The following ERBB2 variants were observed in gnomAD, a reference collection of about 807,000 sequenced individuals.
ERBB2 encodes receptor tyrosine-protein kinase erbB-2.
Under a neutral mutation model 149.0 loss-of-function variants are expected in ERBB2, and 61 were observed. That is an observed-to-expected ratio of 0.41 (90% CI 0.33 to 0.51). The LOEUF (loss-of-function observed/expected upper bound fraction) is 0.51. Among genes scored for constraint, ERBB2 ranks in the 20% least tolerant of loss-of-function variants. The pLI is 0.25. For synonymous variants in ERBB2, 633 were observed against 678.8 expected, an observed-to-expected ratio of 0.93 and a Z score of 1.05; for missense variants, 1,205 against 1,655.1, an observed-to-expected ratio of 0.73 and a Z score of 4.72.
In ERBB2 at chr17:39,724,828, G is replaced by T; in HGVS notation, c.2410G>T (p.Gly804Cys). 7 of 1,614,224 alleles carry T rather than the reference G, an allele frequency of 4.3e-6. No homozygotes were observed. Among genetic ancestry groups the T allele is most frequent in the Non-Finnish European group, 5.9e-6 (7 of 1,180,048 alleles). Reference sequence around the variant, plus strand: ...GCTGGTGACACAGCTTATGCCCTATGGCTGCCTCTTAGACCATGTCCGGGA... The same window carrying T: ...GCTGGTGACACAGCTTATGCCCTATTGCTGCCTCTTAGACCATGTCCGGGA... ...VQLVTQLMPY[G>C]CLLDHVRENR... The change falls in exon 20 of 27, where the codon GGC becomes TGC. Residue 804 changes from glycine to cysteine, a missense_variant. Coordinates refer to ENST00000269571, the MANE Select transcript of ERBB2 (RefSeq NM_004448.4).
In ERBB2 at chr17:39,723,282, C is replaced by T. The variant is rs554987501; in HGVS notation, c.1947-37C>T. ...CCCCCTTTGTCCCTCCCACCCCAAACTAGCCCTCAATCCCTGACCCTGGCT... is the reference window on the plus strand; with the variant it reads ...CCCCCTTTGTCCCTCCCACCCCAAATTAGCCCTCAATCCCTGACCCTGGCT... On this transcript the variant is annotated intron_variant, in intron 16 of 26. Transcript: ENST00000269571. The surrounding 1 kb of genome is among the most constrained non-coding windows in gnomAD (Gnocchi z 6.2). 1 of 1,486,754 alleles carries T rather than the reference C, an allele frequency of 6.7e-7. No homozygotes were observed. The highest frequency in any genetic ancestry group is 9.2e-7 in the Non-Finnish European group (1 of 1,085,142). 92.1% of individuals were successfully genotyped at this position (1,486,754 alleles called of 1,614,324 possible). A position where few individuals can be genotyped will look rare whatever the true frequency, so the allele number is the denominator to read the frequency against.
chr17:39,688,865 AACTTG>A (rs1353862197), intron 2 of ERBB2: 1 of 152,350 alleles, frequency 6.6e-6, no homozygotes, highest in Non-Finnish European at 1.5e-5. Context: ...TCAACATAAG[AACTTG>A]ACAAATCCAG....
intron 11 of ERBB2, 47 bp from the exon 12 acceptor site, chr17:39,715,693 C>G (rs2145647752): frequency 6.3e-7 from 1 of 1,596,586 alleles, no homozygotes; most frequent in Non-Finnish European, 8.5e-7. Context: ...ATAGCCTTTG[C>G]TGACCGGGAA....
chr17:39,711,062 G>A (rs903397524), intron 7 of ERBB2, among the ~76,000 whole-genome samples: 9 of 152,088 alleles, frequency 5.9e-5, no homozygotes, highest in South Asian at 2.1e-4. Flanking sequence ...ACCATGCCTC[G>A]CTAAATTTTG....
rs780382423 is a variant in ERBB2, at chr17:39,711,908, C to T, written c.902-20C>T. 2 of 1,613,924 alleles carry T rather than the reference C, an allele frequency of 1.2e-6. No individual in the cohort carries two copies. The highest frequency in any genetic ancestry group is 1.7e-6 in the Non-Finnish European group (2 of 1,179,886). ...CACGAAGGGCCAGGGTATGTGGCTA[C>T]ATGTTCCTGATCTCCTTAGACAACT... On this transcript the variant is annotated intron_variant, in intron 7 of 26. Transcript: ENST00000269571.
At chr17:39,717,539 G>A (rs2145715933) in intron 15 of ERBB2, 59 bp downstream of exon 15, 1 of 1,450,532 alleles carries the variant, frequency 6.9e-7, no homozygotes. Context: ...GTCTTTCTGG[G>A]GCTCTTACTA....
intron 7 of ERBB2, among the ~76,000 whole-genome samples, chr17:39,710,861 G>C (rs756228975): frequency 2.6e-5 from 4 of 152,234 alleles, no homozygotes; most frequent in Non-Finnish European, 4.4e-5. Flanking sequence ...TATGTACTAA[G>C]TGCTCCTAAA....
Position 39,715,916 on chromosome 17 carries a change from C to T in ERBB2, c.1490C>T (p.Ala497Val), listed in dbSNP as rs2145659612. Residue 497 changes from alanine to valine, a missense_variant, in exon 12 of 27, where the codon GCC (alanine) becomes GTC (valine). Transcript: ENST00000269571. ...CCGCACCAAGCTCTGCTCCACACTG[C>T]CAACCGGCCAGAGGACGAGTGTGGT... ...RNPHQALLHT[A>V]NRPEDECVGE... 6.2e-7 allele frequency: 1 copy of T among 1,610,980 alleles called. No individual in the cohort carries two copies. The highest frequency in any genetic ancestry group is 8.5e-7 in the Non-Finnish European group (1 of 1,180,004).
rs1166464063 is a variant in ERBB2, at chr17:39,727,535, A to G, written c.3400A>G (p.Ser1134Gly). Residue 1134 changes from serine (S) to glycine (G), a missense_variant, in exon 26 of 27, where the codon AGC (serine) becomes GGC (glycine). By Grantham distance (56) the Ser-to-Gly change is moderately conservative (BLOSUM62 0). Transcript: ENST00000269571. This position sits in a 1 kb window ranked among gnomAD's most constrained non-coding sequence, Gnocchi z 4.3. ...TDGYVAPLTC[S>G]PQPEYVNQPD... Reference sequence around the variant, plus strand: ...TGGCTACGTTGCCCCCCTGACCTGCAGCCCCCAGCCTGGTATGGAGTCCAG... The same window carrying G: ...TGGCTACGTTGCCCCCCTGACCTGCGGCCCCCAGCCTGGTATGGAGTCCAG... 1 of 1,600,984 alleles carries G rather than the reference A, an allele frequency of 6.2e-7. No homozygotes were observed. The highest frequency in any genetic ancestry group is 1.4e-5 in the African/African-American group (1 of 73,822).
chr17:39,727,484 A>G lies in ERBB2; in HGVS notation c.3349A>G (p.Thr1117Ala), dbSNP rs2059840708. ...SPLQRYSEDP[T>A]VPLPSETDGY... ...TCTACAGCGGTACAGTGAGGACCCC[A>G]CAGTACCCCTGCCCTCTGAGACTGA... is the stretch of plus-strand genomic sequence containing the variant. Residue 1117 changes from threonine (T) to alanine (A), a missense_variant, in exon 26 of 27, where the codon ACA becomes GCA. Physicochemically the swap from Thr to Ala is moderately conservative, Grantham distance 58 (BLOSUM62 0). This residue lies in a region of ERBB2 where 312 missense variants were observed against 343.8 expected (regional missense o/e 0.91). Coordinates refer to ENST00000269571, the MANE Select transcript of ERBB2 (RefSeq NM_004448.4). The surrounding 1 kb of genome is among the most constrained non-coding windows in gnomAD (Gnocchi z 4.3). 1.2e-6 allele frequency: 2 copies of G among 1,605,924 alleles called. No homozygotes were observed. The highest frequency in any genetic ancestry group is 1.7e-6 in the Non-Finnish European group (2 of 1,177,770).
At position 39,725,767 on chromosome 17, in the gene ERBB2, G is replaced by A. The variant is rs201399875; in HGVS notation, c.2786G>A (p.Arg929Gln). 1.5e-4 allele frequency: 246 copies of A among 1,613,658 alleles called. 2 individuals are homozygous for A. Among genetic ancestry groups the A allele is most frequent in the Non-Finnish European group, 4.2e-5 (49 of 1,179,836 alleles). The part of the protein sequence containing the change: ...GAKPYDGIPA[R>Q]EIPDLLEKGE... ...AAACCTTACGATGGGATCCCAGCCC[G>A]GGAGATCCCTGACCTGCTGGAAAAG... is the stretch of plus-strand genomic sequence containing the variant. The change falls in exon 23 of 27, where the codon CGG becomes CAG. Residue 929 changes from arginine (R) to glutamine (Q), a missense_variant. Arg to Gln is a conservative substitution (Grantham distance 43). Around this residue, in one of 6 missense-constraint regions of ERBB2, gnomAD observed 63 missense variants for 74.2 expected, o/e 0.85. Coordinates refer to ENST00000269571, the MANE Select transcript of ERBB2 (RefSeq NM_004448.4). The surrounding 1 kb of genome is among the most constrained non-coding windows in gnomAD (Gnocchi z 4.6).
chr17:39,715,766 G>A lies in ERBB2; in HGVS notation c.1340G>A (p.Gly447Glu), dbSNP rs930754368. 1 of 1,607,698 alleles carries A rather than the reference G, an allele frequency of 6.2e-7. No individual in the cohort carries two copies. The highest frequency in any genetic ancestry group is 8.5e-7 in the Non-Finnish European group (1 of 1,180,008). The change falls in exon 12 of 27, where the codon GGG becomes GAG. Residue 447 changes from glycine to glutamate, a missense_variant. By Grantham distance (98) the Gly-to-Glu change is moderately conservative. Transcript: ENST00000269571. ...GGCGCCTACTCGCTGACCCTGCAAGGGCTGGGCATCAGCTGGCTGGGGCTG... is the reference window on the plus strand; with the variant it reads ...GGCGCCTACTCGCTGACCCTGCAAGAGCTGGGCATCAGCTGGCTGGGGCTG... ...HNGAYSLTLQ[G>E]LGISWLGLRS...
In ERBB2 at chr17:39,726,698, G is replaced by A. The variant is rs1397338715; in HGVS notation, c.2970+39G>A. 3.7e-6 allele frequency: 6 copies of A among 1,603,664 alleles called. No individual in the cohort carries two copies. The highest frequency in any genetic ancestry group is 2.2e-5 in the East Asian group (1 of 44,828). On this transcript the variant is annotated intron_variant, in intron 24 of 26. Transcript: ENST00000269571. The surrounding 1 kb of genome is among the most constrained non-coding windows in gnomAD (Gnocchi z 5.1). ...GTGCCCCATCCCTGCCTGTGGCTAA[G>A]AGCACCCTCCTGCAGAGGGTGGGAA...
rs1597850459 is a variant in ERBB2 at position 39,700,143 on chromosome 17, C to T, written c.-96C>T. 3 of 1,316,946 alleles carry T rather than the reference C, an allele frequency of 2.3e-6. No individual in the cohort carries two copies. Among genetic ancestry groups the T allele is most frequent in the East Asian group, 6.2e-5 (2 of 32,252 alleles). The allele number at this position is 1,316,946 out of a possible 1,614,324, so 81.6% of individuals were successfully genotyped here. ...CTTCCCACGGGGCCCTTTACTGCGC[C>T]GCGCGCCCGGCCCCCACCCCTCGCA... On this transcript the variant is annotated 5_prime_UTR_variant, in exon 1 of 27. Transcript: ENST00000269571.
In ERBB2 at chr17:39,725,824, C is replaced by T. The variant is rs2143075314; in HGVS notation, c.2843C>T (p.Thr948Ile). Residue 948 changes from threonine (T) to isoleucine (I), a missense_variant, in exon 23 of 27, where the codon ACC (threonine) becomes ATC (isoleucine). Thr to Ile is a moderately conservative substitution (Grantham distance 89). Around this residue, in one of 6 missense-constraint regions of ERBB2, gnomAD observed 63 missense variants for 74.2 expected, o/e 0.85. Coordinates refer to ENST00000269571, the MANE Select transcript of ERBB2 (RefSeq NM_004448.4). This position sits in a 1 kb window ranked among gnomAD's most constrained non-coding sequence, Gnocchi z 4.6. ...GERLPQPPIC[T>I]IDVYMIMVKC... ...CGGCTGCCCCAGCCCCCCATCTGCA[C>T]CATTGATGTCTACATGATCATGGTC... 6.2e-7 allele frequency: 1 copy of T among 1,613,940 alleles called. No individual in the cohort carries two copies. The highest frequency in any genetic ancestry group is 8.5e-7 in the Non-Finnish European group (1 of 1,179,948).
chr17:39,709,995 CT>C, intron 5 of ERBB2, 90 bp from the exon 6 acceptor site: 1 of 1,500,374 alleles, frequency 6.7e-7, no homozygotes, highest in Non-Finnish European at 9.2e-7. Flanking sequence ...GATGTCTCCC[CT>C]GGGCCAGGTA....
intron 9 of ERBB2, 84 bp from the exon 10 acceptor site, chr17:39,715,202 G>A: frequency 1.7e-6 from 2 of 1,144,710 alleles, no homozygotes; most frequent in Middle Eastern, 4.7e-4. Flanking sequence ...GGCATTCATG[G>A]TGGGGAGTGG....
chr17:39,724,131 T>C, intron 19 of ERBB2, 121 bp downstream of exon 19: 1 of 673,924 alleles, frequency 1.5e-6, no homozygotes, highest in Non-Finnish European at 2.5e-6. Flanking sequence ...CTAGACTATT[T>C]TTTTGGAGAC....
chr17:39,709,256 C>T, intron 3 of ERBB2, 62 bp from the exon 4 acceptor site: 1 of 1,599,764 alleles, frequency 6.3e-7, no homozygotes, highest in South Asian at 1.1e-5. Context: ...GCAGGAGGGC[C>T]CCAAGGGAAG....
Sources: allele counts gnomAD v4.1 joint callset (sites outside exome capture counted in the v4.1 genomes callset), GRCh38; gene constraint gnomAD v4.1.1; regional missense constraint gnomAD v4.1.1; non-coding constraint Gnocchi (gnomAD v3.1); transcripts MANE v1.5; gene names NCBI Gene and HGNC (gene_info 2026-07-23, HGNC 2026-07-21).